Variants in PODXL observed in about 807,000 individuals in gnomAD.
PODXL encodes the protein podocalyxin.
PODXL carries 20 observed loss-of-function variants against 48.9 expected under a neutral mutation model. The observed-to-expected ratio is 0.41, with a 90% CI of 0.29 to 0.59. The LOEUF (loss-of-function observed/expected upper bound fraction) is 0.59. PODXL is among the 20% of genes least tolerant of loss of function. The probability of loss-of-function intolerance (pLI) is 0.31; values close to 1 mark genes in which losing one functional copy is unlikely to be tolerated. For synonymous variants in PODXL, 295 were observed against 287.4 expected (o/e 1.03, Z -0.27); for missense variants, 606 against 675.1 (o/e 0.90, Z 1.13).
At chr7:131,539,599 G>A (rs560914506) in intron 1 of PODXL, among the ~76,000 whole-genome samples, 14 of 152,334 alleles carry the variant, frequency 9.2e-5, no homozygotes, top group South Asian at 2.1e-4. Context: ...GATTACAGGC[G>A]TGAGCCACCA....
Position 131,511,366 on chromosome 7 carries a change from C to A in PODXL, c.168G>T (p.Met56Ile), listed in dbSNP as rs1797911760. The A allele has an allele frequency of 6.2e-7, 1 of 1,609,468 alleles. No individual in the cohort carries two copies. The highest frequency in any genetic ancestry group is 8.5e-7 in the Non-Finnish European group (1 of 1,179,964). Residue 56 changes from methionine (M) to isoleucine (I), a missense_variant, in exon 2 of 9, where the codon ATG becomes ATT. Coordinates refer to ENST00000378555, the MANE Select transcript of PODXL (RefSeq NM_001018111.3). ...TGCTCTGCTGGGCTGTATCTGTAGC[C>A]ATGATGGTGACACTGGATGCTGGAG... is the stretch of plus-strand genomic sequence containing the variant. ...APTPASSVTIMATDTAQQSTV... is the reference protein window; with the variant it reads ...APTPASSVTIIATDTAQQSTV...
Position 131,506,713 on chromosome 7 carries a change from G to A in PODXL, c.1115C>T (p.Ser372Leu), listed in dbSNP as rs761990963. 5.0e-6 allele frequency: 8 copies of A among 1,614,016 alleles called. No individual in the cohort carries two copies. The highest frequency in any genetic ancestry group is 4.4e-5 in the South Asian group (4 of 91,092). Residue 372 changes from serine to leucine, a missense_variant, in exon 6 of 9, where the codon TCG becomes TTG. By Grantham distance (145) the Ser-to-Leu change is moderately radical. Coordinates refer to ENST00000378555, the MANE Select transcript of PODXL (RefSeq NM_001018111.3). ...TGNTLCAGGA[S>L]DEKLISLICR... Reference sequence around the variant, plus strand: ...TATCAGTGAGATCAATTTCTCATCCGAAGCGCCCCCTGCCTATGGTGGGGA... The same window carrying A: ...TATCAGTGAGATCAATTTCTCATCCAAAGCGCCCCCTGCCTATGGTGGGGA...
rs1462819873 is a variant in PODXL at position 131,511,223 on chromosome 7, T to A, written c.311A>T (p.Asn104Ile). The A allele has an allele frequency of 1.2e-6, 2 of 1,613,956 alleles. No individual in the cohort carries two copies. The highest frequency in any genetic ancestry group is 2.7e-5 in the African/African-American group (2 of 74,902). The change falls in exon 2 of 9, where the codon AAC (asparagine) becomes ATC (isoleucine). Residue 104 changes from asparagine to isoleucine, a missense_variant. Physicochemically the swap from Asn to Ile is moderately radical, Grantham distance 149. Transcript: ENST00000378555. ...GCCGCCTCCTCTAGCCACGGTAGTG[T>A]TGACTGGGCCTGAGACTTGCTGAGC... ...TLAQQVSGPV[N>I]TTVARGGGSG...
chr7:131,506,787 G>C (rs1276584908), intron 5 of PODXL, 61 bp from the exon 6 acceptor site: 1 of 1,519,878 alleles, frequency 6.6e-7, no homozygotes, highest in Non-Finnish European at 8.8e-7. Context: ...AGGCCTGTGG[G>C]GCTGCCCTCC....
chr7:131,534,254 G>T lies in PODXL; in HGVS notation c.100+22006C>A, dbSNP rs370543066. On this transcript the variant is annotated intron_variant, in intron 1 of 8. Coordinates refer to ENST00000378555, the MANE Select transcript of PODXL (RefSeq NM_001018111.3). ...GAAGATGAGGCACCAGGGCAGCTGTGGTCAAGAGAAGACCCAGATGAGGAG... is the reference window on the plus strand; with the variant it reads ...GAAGATGAGGCACCAGGGCAGCTGTTGTCAAGAGAAGACCCAGATGAGGAG... Among the ~76,000 whole-genome samples the T allele has an allele frequency of 4.6e-5, 7 of 152,332 alleles. No individual in the cohort carries two copies. The East Asian group carries it at 1.3e-3, about 29-fold the overall frequency.
At chr7:131,518,016 G>A (rs1008433478) in intron 1 of PODXL, among the ~76,000 whole-genome samples, 2 of 152,204 alleles carry the variant, frequency 1.3e-5, no homozygotes, top group South Asian at 2.1e-4. Flanking sequence ...TGGGATTACA[G>A]GTGTGAGCCA....
In PODXL at chr7:131,511,121, G is replaced by A; in HGVS notation, c.413C>T (p.Thr138Ile). 6.2e-7 allele frequency: 1 copy of A among 1,614,042 alleles called. No homozygotes were observed. Among genetic ancestry groups the A allele is most frequent in the Non-Finnish European group, 8.5e-7 (1 of 1,179,990 alleles). Residue 138 changes from threonine to isoleucine, a missense_variant, in exon 2 of 9, where the codon ACA (threonine) becomes ATA (isoleucine). By Grantham distance (89) the Thr-to-Ile change is moderately conservative. Transcript: ENST00000378555. ...SADTTTVATS[T>I]ATAKPNTTSS... ...TGTGGTGTTAGGTTTAGCTGTGGCT[G>A]TGGAGGTTGCAACTGTAGTGGTGTC...
chr7:131,500,963 T>A lies in PODXL; in HGVS notation c.*3348A>T, dbSNP rs1227828110. 1 of 152,166 alleles carries A rather than the reference T, an allele frequency of 6.6e-6. No individual in the cohort carries two copies. The highest frequency in any genetic ancestry group is 6.5e-5 in the Admixed American group (1 of 15,272). The allele number at this position is 152,166 out of a possible 1,614,324, so 9.4% of individuals were successfully genotyped here. On this transcript the variant is annotated 3_prime_UTR_variant, in exon 9 of 9. Coordinates refer to ENST00000378555, the MANE Select transcript of PODXL (RefSeq NM_001018111.3). Reference sequence around the variant, plus strand: ...GTGAGCTTCAGATTATCTTTTTCTCTAGAAAAAGATTGGACTAGATCTTGA... The same window carrying A: ...GTGAGCTTCAGATTATCTTTTTCTCAAGAAAAAGATTGGACTAGATCTTGA...
intron 1 of PODXL, among the ~76,000 whole-genome samples, chr7:131,523,039 A>G (rs1798114009): frequency 6.6e-6 from 1 of 152,222 alleles, no homozygotes; most frequent in Non-Finnish European, 1.5e-5. Context: ...CCTTGGGTAC[A>G]TACCTAGGAT....
intron 1 of PODXL, among the ~76,000 whole-genome samples, chr7:131,534,744 A>C (rs995647239): frequency 2.6e-5 from 4 of 152,212 alleles, no homozygotes; most frequent in African/African-American, 7.2e-5. Context: ...ACTCAAATGT[A>C]TTAAAAGATA....
At chr7:131,512,991 T>A (rs1797938663) in intron 1 of PODXL, among the ~76,000 whole-genome samples, 1 of 71,940 alleles carries the variant, frequency 1.4e-5, no homozygotes, top group African/African-American at 8.1e-5. Context: ...CAAGACTCCG[T>A]CTCAAAAAAA....
chr7:131,549,553 C>T (rs1798636581), intron 1 of PODXL, among the ~76,000 whole-genome samples: 1 of 152,198 alleles, frequency 6.6e-6, no homozygotes, highest in African/African-American at 2.4e-5. Flanking sequence ...GCCCTCCTCA[C>T]CGGCTTGCTT....
intron 1 of PODXL, among the ~76,000 whole-genome samples, chr7:131,517,409 C>T (rs562939090): frequency 1.3e-5 from 2 of 152,218 alleles, no homozygotes; most frequent in Non-Finnish European, 2.9e-5. Context: ...AAACTGGGAA[C>T]TGTGTTGACT....
chr7:131,554,608 A>G (rs1429832858), intron 1 of PODXL, among the ~76,000 whole-genome samples: 1 of 152,214 alleles, frequency 6.6e-6, no homozygotes, highest in African/African-American at 2.4e-5. Context: ...AGCTGGAGTC[A>G]GAGCTTTGCC....
At chr7:131,523,873 ACCT>A (rs1798131200) in intron 1 of PODXL, among the ~76,000 whole-genome samples, 1 of 148,672 alleles carries the variant, frequency 6.7e-6, no homozygotes, top group Admixed American at 6.8e-5. Flanking sequence ...ATCTCGGCTC[ACCT>A]CAACCTCCGC....
At chr7:131,543,276 C>T (rs575677964) in intron 1 of PODXL, among the ~76,000 whole-genome samples, 4 of 152,180 alleles carry the variant, frequency 2.6e-5, no homozygotes, top group African/African-American at 7.2e-5. Flanking sequence ...CAGGTCCATA[C>T]CACCATGCTT....
chr7:131,549,068 GACAGAC>G (rs1798628089), intron 1 of PODXL, among the ~76,000 whole-genome samples: 1 of 152,180 alleles, frequency 6.6e-6, no homozygotes, highest in Non-Finnish European at 1.5e-5. Context: ...ACGGGGAAGA[GACAGAC>G]AAACAAACAA....
chr7:131,543,327 T>C (rs762009636), intron 1 of PODXL, among the ~76,000 whole-genome samples: 4 of 152,096 alleles, frequency 2.6e-5, no homozygotes, highest in Non-Finnish European at 5.9e-5. Context: ...GGCCTCACTA[T>C]GTTGCCCAGG....
chr7:131,545,267 G>T (rs547936450), intron 1 of PODXL, among the ~76,000 whole-genome samples: 5 of 152,320 alleles, frequency 3.3e-5, no homozygotes, highest in African/African-American at 1.2e-4. Context: ...GTTCCCAATG[G>T]ACTCTGGGGC....
Sources: gnomAD v4.1 joint callset for allele counts (sites outside exome capture counted in the v4.1 genomes callset) on GRCh38, gnomAD v4.1.1 for gene constraint, MANE v1.5 for transcripts, NCBI Gene and HGNC (gene_info 2026-07-23, HGNC 2026-07-21) for gene names.